The following UNC79 variants were observed in gnomAD, a reference collection of about 807,000 sequenced individuals.
The protein encoded by UNC79 is unc-79 subunit of NALCN channel complex.
A neutral mutation model predicts 283.1 loss-of-function variants in UNC79; 37 were observed. That is an observed-to-expected ratio of 0.13 (90% CI 0.10 to 0.17). The LOEUF is 0.17. UNC79 is among the 10% of genes least tolerant of loss of function. The pLI is 1.00. For missense variants in UNC79, 2,272 were observed against 3,211.1 expected, an observed-to-expected ratio of 0.71 and a Z score of 7.07; for synonymous variants, 1,107 against 1,200.2, an observed-to-expected ratio of 0.92 and a Z score of 1.61.
At chr14:93,604,939 TG>T in intron 26 of UNC79, 1 of 1,587,022 alleles carries the variant, frequency 6.3e-7, no homozygotes, top group Non-Finnish European at 8.5e-7. Flanking sequence ...CAGCTCTCGG[TG>T]GGACACCCGA....
intron 1 of UNC79, among the ~76,000 whole-genome samples, chr14:93,418,421 C>G (rs1290501396): frequency 2.0e-5 from 3 of 151,810 alleles, no homozygotes; most frequent in East Asian, 3.9e-4. Context: ...AGGTGTCAGT[C>G]TGCCCCTACT....
At chr14:93,374,385 G>A (rs1228051440) in intron 1 of UNC79, among the ~76,000 whole-genome samples, 1 of 152,206 alleles carries the variant, frequency 6.6e-6, no homozygotes, top group Non-Finnish European at 1.5e-5. Flanking sequence ...GGAGTCAAAA[G>A]CAATTATTCT....
intron 1 of UNC79, among the ~76,000 whole-genome samples, chr14:93,354,707 G>C (rs1156886189): frequency 6.6e-6 from 1 of 152,070 alleles, no homozygotes; most frequent in Non-Finnish European, 1.5e-5. Flanking sequence ...TTGCTATGTT[G>C]CCCAGACTGG....
intron 14 of UNC79, among the ~76,000 whole-genome samples, chr14:93,569,559 G>A (rs2063098728): frequency 6.6e-6 from 1 of 152,330 alleles, no homozygotes; most frequent in South Asian, 2.1e-4. Context: ...AAAGTAACTG[G>A]TCTTAGAGGA....
At chr14:93,643,392 G>T (rs2069253364) in intron 33 of UNC79, among the ~76,000 whole-genome samples, 165 bp from the exon 37 acceptor site, 1 of 152,156 alleles carries the variant, frequency 6.6e-6, no homozygotes, top group Non-Finnish European at 1.5e-5. Flanking sequence ...TGTATCTGTG[G>T]TGATGGCAGC....
At chr14:93,551,924 T>C in intron 14 of UNC79, among the ~76,000 whole-genome samples, 1 of 152,180 alleles carries the variant, frequency 6.6e-6, no homozygotes. Flanking sequence ...CAGAGGAACA[T>C]AGAAATCTCT....
intron 16 of UNC79, among the ~76,000 whole-genome samples, chr14:93,573,521 C>T (rs1020252177): frequency 6.6e-6 from 1 of 152,128 alleles, no homozygotes; most frequent in Admixed American, 6.5e-5. Flanking sequence ...AACTTGAATA[C>T]CTGATATGAG....
intron 40 of UNC79, among the ~76,000 whole-genome samples, chr14:93,664,918 T>C (rs527977628): frequency 1.5e-4 from 23 of 152,210 alleles, no homozygotes; most frequent in African/African-American, 4.8e-4. Flanking sequence ...GAACATGAGC[T>C]CATAATCTAA....
intron 23 of UNC79, among the ~76,000 whole-genome samples, chr14:93,595,449 A>G (rs1182139311): frequency 6.6e-6 from 1 of 152,076 alleles, no homozygotes; most frequent in East Asian, 1.9e-4. Flanking sequence ...ATGCCTAGAG[A>G]ATAAAGTTCA....
In UNC79 at chr14:93,507,252, G is replaced by A. The variant is rs76341934; in HGVS notation, c.898+9966G>A. Reference sequence around the variant, plus strand: ...GGACTTACGCATTTATTTCTCTTGGGTATATACCTAGGACTGGAATTGCTG... The same window carrying A: ...GGACTTACGCATTTATTTCTCTTGGATATATACCTAGGACTGGAATTGCTG... On this transcript the variant is annotated intron_variant, in intron 7 of 48. Coordinates refer to ENST00000555664, the Ensembl canonical transcript of UNC79. Among the ~76,000 whole-genome samples the A allele has an allele frequency of 7.6e-4, 116 of 152,192 alleles. 2 individuals carry two copies. In the East Asian group the frequency reaches 0.016, roughly 21 times the overall value.
chr14:93,354,254 G>C (rs1247648031), intron 1 of UNC79, among the ~76,000 whole-genome samples: 1 of 152,144 alleles, frequency 6.6e-6, no homozygotes, highest in East Asian at 1.9e-4. Context: ...ATCCTTACAG[G>C]CTGTGTTTTA....
intron 1 of UNC79, chr14:93,348,097 C>G (rs1270876478): frequency 3.7e-6 from 6 of 1,608,022 alleles, no homozygotes; most frequent in Non-Finnish European, 5.1e-6. Context: ...GCTAGGCAAC[C>G]TGAAGCAGTT....
chr14:93,613,441 A>G, intron 27 of UNC79, among the ~76,000 whole-genome samples: 1 of 149,504 alleles, frequency 6.7e-6, no homozygotes. Context: ...TTTGAGATGG[A>G]GTCTCGCTCT....
At chr14:93,390,635 A>G (rs1371363763) in intron 1 of UNC79, among the ~76,000 whole-genome samples, 1 of 152,228 alleles carries the variant, frequency 6.6e-6, no homozygotes, top group African/African-American at 2.4e-5. Flanking sequence ...AGGTCACTAA[A>G]CAAAAAACAG....
In UNC79 at chr14:93,632,908, T is replaced by C. The variant is rs189293989; in HGVS notation, c.5716+2000T>C. Among the ~76,000 whole-genome samples, 366 of 152,254 alleles carry C rather than the reference T, an allele frequency of 2.4e-3. 3 individuals are homozygous for C. The highest frequency in any genetic ancestry group is 8.5e-3 in the African/African-American group (352 of 41,556). ...TTTCTCCTCCTTGCCATTAAAAGCA[T>C]GCATTCTATAGCTCTTGGTGGTGTG... On this transcript the variant is annotated intron_variant, in intron 31 of 48. Coordinates refer to ENST00000555664, the Ensembl canonical transcript of UNC79.
chr14:93,527,522 A>T (rs944692698), intron 8 of UNC79, among the ~76,000 whole-genome samples: 9 of 152,312 alleles, frequency 5.9e-5, no homozygotes, highest in African/African-American at 2.2e-4. Context: ...TAGTTTACAA[A>T]TGTTGACGGT....
chr14:93,592,226 G>C (rs966304755), intron 22 of UNC79, among the ~76,000 whole-genome samples: 5 of 142,992 alleles, frequency 3.5e-5, no homozygotes, highest in African/African-American at 5.3e-5. Flanking sequence ...CCAGGCTGGA[G>C]TGCAGTGGCT....
In UNC79 at chr14:93,511,999, A is replaced by G. The variant is rs541331420; in HGVS notation, c.899-11979A>G. Among the ~76,000 whole-genome samples the G allele has an allele frequency of 7.9e-4, 120 of 152,254 alleles. 3 individuals are homozygous for G. The South Asian group carries it at 0.019, about 24-fold the overall frequency. ...AATTACCAACTTCCCTCTAAGTTCT[A>G]TATTTGCTGCATCCCACAAATTTTG... is the stretch of plus-strand genomic sequence containing the variant. On this transcript the variant is annotated intron_variant, in intron 7 of 48. Coordinates refer to ENST00000555664, the Ensembl canonical transcript of UNC79.
chr14:93,527,339 G>A (rs1196498350), intron 8 of UNC79, among the ~76,000 whole-genome samples: 1 of 152,188 alleles, frequency 6.6e-6, no homozygotes, highest in Non-Finnish European at 1.5e-5. Context: ...TCCAACAGCA[G>A]AATTGAGTAG....
Sources: allele counts gnomAD v4.1 joint callset (sites outside exome capture counted in the v4.1 genomes callset), GRCh38; gene constraint gnomAD v4.1.1; transcripts MANE v1.5; gene names NCBI Gene and HGNC (gene_info 2026-07-23, HGNC 2026-07-21).